The following FER1L6 variants were observed in gnomAD, a reference collection of about 807,000 sequenced individuals.
The protein encoded by FER1L6 is fer-1 like family member 6.
A neutral mutation model predicts 219.2 loss-of-function variants in FER1L6; 177 were observed. The ratio of observed to expected loss-of-function variants is 0.81; its 90% CI spans 0.71 to 0.91. The LOEUF (loss-of-function observed/expected upper bound fraction) is 0.91, where lower values mean the gene tolerates loss of function less well. Ranked by LOEUF, FER1L6 falls within the 40% of genes least tolerant of loss-of-function variation. The pLI is 0.00. For missense variants in FER1L6, 2,153 were observed against 2,259.9 expected (o/e 0.95, Z 0.96); for synonymous variants, 768 against 824.3 (o/e 0.93, Z 1.17).
chr8:124,101,298 G>A lies in FER1L6; in HGVS notation c.5085G>A (p.Gln1695=). 6.2e-7 allele frequency: 1 copy of A among 1,613,848 alleles called. No individual in the cohort carries two copies. The highest frequency in any genetic ancestry group is 8.5e-7 in the Non-Finnish European group (1 of 1,179,838). Residue 1695 remains glutamine (Q), a synonymous_variant, in exon 38 of 41, where the codon CAG becomes CAA. Transcript: ENST00000522917. The part of the protein sequence containing the change: ...ECKTPAVLVL[Q]VWDFERLSSD... Reference sequence around the variant, plus strand: ...AGACTCCTGCTGTGTTGGTGCTGCAGGTTTGGGATTTTGAAAGGCTGTCCT... The same window carrying A: ...AGACTCCTGCTGTGTTGGTGCTGCAAGTTTGGGATTTTGAAAGGCTGTCCT...
chr8:124,054,944 C>T (rs978627230), intron 22 of FER1L6, among the ~76,000 whole-genome samples: 1 of 152,080 alleles, frequency 6.6e-6, no homozygotes, highest in African/African-American at 2.4e-5. Context: ...AGCAGAAAGG[C>T]CCGTTGGGAG....
intron 8 of FER1L6, 111 bp downstream of exon 8, chr8:123,975,417 A>G: frequency 9.3e-7 from 1 of 1,074,600 alleles, no homozygotes; most frequent in Non-Finnish European, 1.3e-6. Context: ...GCTTCTTCTC[A>G]GCTTGGTCAC....
chr8:124,043,886 T>G (rs1292994753), intron 20 of FER1L6, among the ~76,000 whole-genome samples: 1 of 152,192 alleles, frequency 6.6e-6, no homozygotes, highest in Non-Finnish European at 1.5e-5. Flanking sequence ...TGGGAGCAAC[T>G]CCAAGGACAG....
intron 18 of FER1L6, 97 bp downstream of exon 18, chr8:124,023,693 C>A: frequency 7.7e-7 from 1 of 1,298,278 alleles, no homozygotes; most frequent in East Asian, 2.5e-5. Flanking sequence ...GACCATTCCC[C>A]AGTGCTTTCA....
intron 1 of FER1L6, among the ~76,000 whole-genome samples, chr8:123,949,499 G>A (rs1814659855): frequency 6.6e-6 from 1 of 152,144 alleles, no homozygotes; most frequent in Admixed American, 6.6e-5. Flanking sequence ...CTTTACCCTA[G>A]ACATTCAAAA....
chr8:124,040,029 C>T (rs749937212), intron 20 of FER1L6, 23 bp downstream of exon 20: 2 of 1,613,712 alleles, frequency 1.2e-6, no homozygotes, highest in Non-Finnish European at 1.7e-6. Flanking sequence ...ACCAAGACAG[C>T]CTGCTTCTTT....
At chr8:124,007,030 TA>T (rs925403285) in intron 13 of FER1L6, among the ~76,000 whole-genome samples, 1 of 152,232 alleles carries the variant, frequency 6.6e-6, no homozygotes, top group African/African-American at 2.4e-5. Flanking sequence ...GTTTGGTTTC[TA>T]AACTTGTTTT....
chr8:123,865,610 C>T (rs1475412605), intron 1 of FER1L6, among the ~76,000 whole-genome samples: 1 of 151,324 alleles, frequency 6.6e-6, no homozygotes, highest in South Asian at 2.1e-4. Context: ...TGATCTCAGA[C>T]CGCTGTGCTA....
chr8:123,998,117 T>C (rs1817218872), intron 12 of FER1L6, among the ~76,000 whole-genome samples: 1 of 152,164 alleles, frequency 6.6e-6, no homozygotes, highest in Non-Finnish European at 1.5e-5. Context: ...ATTGTAGTCT[T>C]TGTAGTCTGG....
chr8:124,056,843 G>A (rs1227337740), intron 22 of FER1L6, among the ~76,000 whole-genome samples: 2 of 152,090 alleles, frequency 1.3e-5, no homozygotes, highest in African/African-American at 2.4e-5. Flanking sequence ...TCGGAAGTTC[G>A]AGACCAGACT....
intron 33 of FER1L6, among the ~76,000 whole-genome samples, chr8:124,088,261 C>A (rs1364095333): frequency 6.6e-6 from 1 of 152,078 alleles, no homozygotes; most frequent in Non-Finnish European, 1.5e-5. Flanking sequence ...AAGATAAAGT[C>A]CTTCCCCTTT....
chr8:123,876,614 C>G lies in FER1L6; in HGVS notation c.-8+24429C>G, dbSNP rs1337600209. ...GTGCTGGGATTATAGGCATGAGCCA[C>G]TGTGCCCAGCTTATGTTTTCAAATA... On this transcript the variant is annotated intron_variant, in intron 1 of 40. Transcript: ENST00000522917. Among the ~76,000 whole-genome samples, 4 of 152,320 alleles carry G rather than the reference C, an allele frequency of 2.6e-5. No individual in the cohort carries two copies. The East Asian group carries it at 7.7e-4, about 29-fold the overall frequency.
intron 1 of FER1L6, among the ~76,000 whole-genome samples, chr8:123,923,864 A>G (rs1259516019): frequency 6.8e-6 from 1 of 147,440 alleles, no homozygotes; most frequent in African/African-American, 2.5e-5. Context: ...TTGAACTGGG[A>G]CCCAGGAGGC....
chr8:123,988,309 C>T (rs958594643), intron 12 of FER1L6, among the ~76,000 whole-genome samples: 30 of 152,072 alleles, frequency 2.0e-4, no homozygotes, highest in African/African-American at 3.9e-4. Context: ...GGCTATTCTG[C>T]GTCTCTTGTG....
At chr8:123,878,892 T>C (rs537783114) in intron 1 of FER1L6, among the ~76,000 whole-genome samples, 2 of 152,358 alleles carry the variant, frequency 1.3e-5, no homozygotes, top group Admixed American at 1.3e-4. Context: ...ACAATGTTAA[T>C]AGATTCCAGC....
chr8:123,999,742 T>C (rs557044635), intron 12 of FER1L6, among the ~76,000 whole-genome samples: 1 of 152,176 alleles, frequency 6.6e-6, no homozygotes, highest in Non-Finnish European at 1.5e-5. Flanking sequence ...CTTACAACTC[T>C]GTGTGGTGCT....
chr8:123,960,586 T>C (rs1586519036), intron 2 of FER1L6, among the ~76,000 whole-genome samples: 1 of 152,192 alleles, frequency 6.6e-6, no homozygotes, highest in Admixed American at 6.5e-5. Flanking sequence ...CTCTCAGTTA[T>C]GGAGGCCAAA....
At chr8:123,936,349 C>T (rs1289288242) in intron 1 of FER1L6, among the ~76,000 whole-genome samples, 5 of 151,694 alleles carry the variant, frequency 3.3e-5, no homozygotes, top group African/African-American at 1.2e-4. Context: ...TGGTGTCCTA[C>T]TTTTTTACCT....
intron 37 of FER1L6, among the ~76,000 whole-genome samples, chr8:124,098,822 C>T (rs1822421429): frequency 6.6e-6 from 1 of 152,148 alleles, no homozygotes. Flanking sequence ...TGTTTGTTCA[C>T]TCTCTGTCTC....
Sources: gnomAD v4.1 joint callset for allele counts (sites outside exome capture counted in the v4.1 genomes callset) on GRCh38, gnomAD v4.1.1 for gene constraint, MANE v1.5 for transcripts, NCBI Gene and HGNC (gene_info 2026-07-23, HGNC 2026-07-21) for gene names.